Variants in MGAT4C observed in about 807,000 individuals in gnomAD.
The protein encoded by MGAT4C is alpha-1,3-mannosyl-glycoprotein 4-beta-N-acetylglucosaminyltransferase C.
MGAT4C carries 19 observed loss-of-function variants against 40.1 expected under a neutral mutation model. The ratio of observed to expected loss-of-function variants is 0.47; its 90% CI spans 0.33 to 0.70. The LOEUF is 0.70. MGAT4C is among the 30% of genes least tolerant of loss of function. The probability of loss-of-function intolerance (pLI) is 0.02; values close to 1 mark genes in which losing one functional copy is unlikely to be tolerated. For synonymous variants in MGAT4C, 181 were observed against 187.1 expected (o/e 0.97, Z 0.27); for missense variants, 491 against 563.2 (o/e 0.87, Z 1.30).
chr12:86,402,598 G>C, intron 3 of MGAT4C, among the ~76,000 whole-genome samples: 1 of 152,202 alleles, frequency 6.6e-6, no homozygotes, highest in South Asian at 2.1e-4. Context: ...GATATCAGTA[G>C]ACAGAGATAT....
chr12:86,236,574 A>C (rs1951556884), intron 1 of MGAT4C, among the ~76,000 whole-genome samples: 1 of 152,028 alleles, frequency 6.6e-6, no homozygotes, highest in Non-Finnish European at 1.5e-5. Context: ...ACCAAGTGCC[A>C]AAAAGTTGCC....
At chr12:86,341,185 C>G (rs1954897704) in intron 3 of MGAT4C, among the ~76,000 whole-genome samples, 1 of 152,140 alleles carries the variant, frequency 6.6e-6, no homozygotes, top group Admixed American at 6.6e-5. Flanking sequence ...CTGGCAGCAA[C>G]ATGGAGTCAG....
chr12:86,665,759 T>C (rs1370566531), intron 2 of MGAT4C, among the ~76,000 whole-genome samples: 2 of 152,166 alleles, frequency 1.3e-5, no homozygotes, highest in South Asian at 2.1e-4. Context: ...TTTGGAATCA[T>C]AATGAGGAGA....
At chr12:86,439,916 T>C (rs1306083016) in intron 2 of MGAT4C, among the ~76,000 whole-genome samples, 3 of 152,036 alleles carry the variant, frequency 2.0e-5, no homozygotes, top group Non-Finnish European at 2.9e-5. Flanking sequence ...CCCTCTTAGC[T>C]TGAATCAGGA....
chr12:86,179,777 T>C (rs1284074403), intron 1 of MGAT4C, among the ~76,000 whole-genome samples: 1 of 152,196 alleles, frequency 6.6e-6, no homozygotes, highest in Non-Finnish European at 1.5e-5. Flanking sequence ...ACTTGGGTGC[T>C]GTTAAAAGCA....
At chr12:86,373,245 C>T (rs986339939) in intron 3 of MGAT4C, among the ~76,000 whole-genome samples, 1 of 151,790 alleles carries the variant, frequency 6.6e-6, no homozygotes, top group Non-Finnish European at 1.5e-5. Flanking sequence ...ATTACAAATG[C>T]TATTTTATTT....
intron 1 of MGAT4C, among the ~76,000 whole-genome samples, chr12:86,817,132 GATATAAA>G (rs1167697835): frequency 6.0e-5 from 9 of 149,934 alleles, no homozygotes; most frequent in Non-Finnish European, 1.3e-4. Context: ...CTTTTTTCAT[GATATAAA>G]ATATAGAATA....
In MGAT4C at chr12:86,367,803, A is replaced by AAAC. The variant is rs1566328625; in HGVS notation, c.-119-33677_-119-33676insGTT. On this transcript the variant is annotated intron_variant, in intron 3 of 7. Coordinates refer to the MGAT4C transcript ENST00000548651. ...CGACAGAGCGAGACTCCGTCTCAAA[A>AAAC]AAACAAACAAACAAACAAACAAACA... is the stretch of plus-strand genomic sequence containing the variant. 5.4e-3 allele frequency among the ~76,000 whole-genome samples: 815 copies of AAAC among 151,826 alleles called. 4 individuals carry two copies. Among genetic ancestry groups the AAAC allele is most frequent in the Middle Eastern group, 0.014 (4 of 292 alleles).
chr12:86,059,443 A>G (rs536057791), intron 1 of MGAT4C, among the ~76,000 whole-genome samples: 1 of 152,244 alleles, frequency 6.6e-6, no homozygotes, highest in South Asian at 2.1e-4. Context: ...TTCTCCTCTC[A>G]GAAGAAACCA....
chr12:86,497,331 G>A (rs1401891089), intron 2 of MGAT4C, among the ~76,000 whole-genome samples: 5 of 151,850 alleles, frequency 3.3e-5, no homozygotes, highest in South Asian at 4.1e-4. Flanking sequence ...TTAAAGCAGC[G>A]TTTTTGATGC....
In MGAT4C at chr12:86,014,407, T is replaced by C. The variant is rs545181851; in HGVS notation, c.-6-24855A>G. 4.6e-5 allele frequency among the ~76,000 whole-genome samples: 7 copies of C among 152,228 alleles called. No homozygotes were observed. The East Asian group carries it at 1.4e-3, about 30-fold the overall frequency. ...TTCCAGCCTAGGAGCTTCAAGCAGA[T>C]GCCTGCTTGAGGATGTTAATGCGGG... On this transcript the variant is annotated intron_variant, in intron 2 of 4. Transcript: ENST00000611864.
intron 1 of MGAT4C, among the ~76,000 whole-genome samples, chr12:86,796,475 A>G (rs918807824): frequency 1.3e-5 from 2 of 152,044 alleles, no homozygotes; most frequent in Non-Finnish European, 2.9e-5. Context: ...GGAAAGACAT[A>G]TACAGCATAA....
rs75807681 is a variant in MGAT4C, at chr12:86,513,757, C to T, written c.-228-78492G>A. On this transcript the variant is annotated intron_variant, in intron 2 of 7. Transcript: ENST00000548651. ...ACTTTTTCAGAACTCTGGAAATGAG[C>T]CAAAGTCTTGGAATATTTACTTAAG... Among the ~76,000 whole-genome samples the T allele has an allele frequency of 3.1e-3, 473 of 151,996 alleles. 2 individuals carry two copies. Among genetic ancestry groups the T allele is most frequent in the African/African-American group, 0.011 (454 of 41,458 alleles).
At chr12:86,599,851 A>C (rs1179829302) in intron 2 of MGAT4C, among the ~76,000 whole-genome samples, 2 of 152,184 alleles carry the variant, frequency 1.3e-5, no homozygotes, top group Non-Finnish European at 2.9e-5. Context: ...ATTTATTCAA[A>C]AATATTTATC....
chr12:86,136,765 T>G (rs1882013538), intron 1 of MGAT4C, among the ~76,000 whole-genome samples: 1 of 152,120 alleles, frequency 6.6e-6, no homozygotes, highest in Non-Finnish European at 1.5e-5. Flanking sequence ...CTCAGCTCAC[T>G]GCAACCTCCG....
upstream of MGAT4C, among the ~76,000 whole-genome samples, chr12:86,258,211 T>TG (rs1005608991): frequency 2.0e-5 from 3 of 151,978 alleles, no homozygotes; most frequent in African/African-American, 7.2e-5. Flanking sequence ...TCAATTTTTT[T>TG]TTTGTTTGTT....
intron 2 of MGAT4C, among the ~76,000 whole-genome samples, chr12:86,670,051 A>G (rs1391055407): frequency 6.8e-6 from 1 of 147,232 alleles, no homozygotes; most frequent in Non-Finnish European, 1.5e-5. Context: ...GAAAAAAGAA[A>G]AAGAAAAAAA....
At chr12:86,623,051 C>A (rs2136491653) in intron 2 of MGAT4C, among the ~76,000 whole-genome samples, 1 of 152,150 alleles carries the variant, frequency 6.6e-6, no homozygotes, top group South Asian at 2.1e-4. Context: ...GATTAGTGAA[C>A]CTGGTTCATA....
intron 1 of MGAT4C, among the ~76,000 whole-genome samples, chr12:86,093,728 TAAA>T (rs1354322238): frequency 1.6e-5 from 2 of 122,976 alleles, no homozygotes; most frequent in Non-Finnish European, 3.5e-5. Context: ...AGACTCCGTC[TAAA>T]AACAACAACA....
Sources: allele counts gnomAD v4.1 joint callset (sites outside exome capture counted in the v4.1 genomes callset), GRCh38; gene constraint gnomAD v4.1.1; transcripts MANE v1.5; gene names NCBI Gene and HGNC (gene_info 2026-07-23, HGNC 2026-07-21).